The following CATSPERD variants were observed in gnomAD, a reference collection of about 807,000 sequenced individuals.
CATSPERD encodes the protein catsper channel auxiliary subunit delta.
Under a neutral mutation model 98.1 loss-of-function variants are expected in CATSPERD, and 86 were observed. That is an observed-to-expected ratio of 0.88 (90% CI 0.74 to 1.05). The LOEUF is 1.05. Among genes scored for constraint, CATSPERD ranks in the 50% least tolerant of loss-of-function variants. The pLI is 0.00. For missense variants in CATSPERD, 995 were observed against 1,005.7 expected (o/e 0.99, Z 0.14); for synonymous variants, 394 against 390.2 (o/e 1.01, Z -0.12).
rs1398655167 is a variant in CATSPERD, at chr19:5,778,732, G to A, written c.*56G>A. 1 of 1,515,286 alleles carries A rather than the reference G, an allele frequency of 6.6e-7. No individual in the cohort carries two copies. The highest frequency in any genetic ancestry group is 8.9e-7 in the Non-Finnish European group (1 of 1,125,292). The allele number at this position is 1,515,286 out of a possible 1,614,324, so 93.9% of individuals were successfully genotyped here. A position where few individuals can be genotyped will look rare whatever the true frequency, so the allele number is the denominator to read the frequency against. ...TTCAAATAAAGTATAATGTAACATA[G>A]CAGGAAGCAGTATGTATTCACCATT... On this transcript the variant is annotated 3_prime_UTR_variant, in exon 22 of 22. Transcript: ENST00000381624.
chr19:5,762,081 T>TTTTTTTTTTTA (rs2056451833), intron 15 of CATSPERD, among the ~76,000 whole-genome samples: 2 of 113,742 alleles, frequency 1.8e-5, no homozygotes, highest in Non-Finnish European at 3.8e-5. Flanking sequence ...TTTTTTTTTT[T>TTTTTTTTTTTA]GAGACACAGT....
At chr19:5,720,858 G>A in intron 1 of CATSPERD, 50 bp downstream of exon 1, 2 of 1,510,576 alleles carry the variant, frequency 1.3e-6, no homozygotes, top group South Asian at 1.2e-5. Context: ...GGGTCGGGAG[G>A]GTGCTGGTTC....
intron 7 of CATSPERD, among the ~76,000 whole-genome samples, chr19:5,742,736 G>A (rs554617550): frequency 6.6e-6 from 1 of 152,108 alleles, no homozygotes; most frequent in Non-Finnish European, 1.5e-5. Flanking sequence ...CTACAGTGGG[G>A]TGTGATCGTG....
At chr19:5,746,457 C>A (rs1186957926) in intron 9 of CATSPERD, among the ~76,000 whole-genome samples, 2 of 151,654 alleles carry the variant, frequency 1.3e-5, no homozygotes, top group African/African-American at 4.8e-5. Context: ...GAGACGGAGT[C>A]TCACTCTGTC....
chr19:5,727,068 G>A (rs543369816), intron 2 of CATSPERD, among the ~76,000 whole-genome samples, 200 bp from the exon 3 acceptor site: 10 of 152,204 alleles, frequency 6.6e-5, no homozygotes, highest in African/African-American at 2.4e-4. Context: ...GGTGGCGGGC[G>A]CCTGTAGTCC....
At chr19:5,746,195 A>C (rs1002156943) in intron 9 of CATSPERD, 132 bp downstream of exon 9, 48 of 932,362 alleles carry the variant, frequency 5.1e-5, no homozygotes, top group Middle Eastern at 7.0e-4. Flanking sequence ...CCATGTTCAG[A>C]GTGGACCACA....
Position 5,731,560 on chromosome 19 carries a change from GTTTTTTTTT to G in CATSPERD, c.276+1634_276+1642del, listed in dbSNP as rs67541709. On this transcript the variant is annotated intron_variant, in intron 4 of 21. Transcript: ENST00000381624. ...TTTCTCCTAAAAGCGACACTTAACAGTTTTTTTTTTTTTTTTTTTTTTTTTTGAGACGGA... is the reference window on the plus strand; with the variant it reads ...TTTCTCCTAAAAGCGACACTTAACAGTTTTTTTTTTTTTTTTTGAGACGGA... Among the ~76,000 whole-genome samples the G allele has an allele frequency of 1.0e-3, 78 of 75,736 alleles. 1 individual carries two copies. Among genetic ancestry groups the G allele is most frequent in the South Asian group, 4.3e-3 (7 of 1,622 alleles). The allele number at this position is 75,736 out of a possible 152,430, so 49.7% of individuals were successfully genotyped here. A position where few individuals can be genotyped will look rare whatever the true frequency, so the allele number is the denominator to read the frequency against.
intron 12 of CATSPERD, among the ~76,000 whole-genome samples, 177 bp from the exon 13 acceptor site, chr19:5,753,955 G>A (rs1248535263): frequency 6.6e-6 from 1 of 152,088 alleles, no homozygotes; most frequent in African/African-American, 2.4e-5. Flanking sequence ...GGGAGGGGCT[G>A]GCATTGTGCC....
Position 5,720,668 on chromosome 19 carries a change from A to C in CATSPERD, c.-70A>C, listed in dbSNP as rs1436799672. 1 of 1,465,776 alleles carries C rather than the reference A, an allele frequency of 6.8e-7. No individual in the cohort carries two copies. The highest frequency in any genetic ancestry group is 9.4e-7 in the Non-Finnish European group (1 of 1,066,910). 90.8% of individuals were successfully genotyped at this position (1,465,776 alleles called of 1,614,324 possible). ...GCGCATGCGCAGGGCTTCAGCCTGC[A>C]CGTACTCGGATTGTGCAGCGACTCC... is the stretch of plus-strand genomic sequence containing the variant. On this transcript the variant is annotated 5_prime_UTR_variant, in exon 1 of 22. Coordinates refer to ENST00000381624, the MANE Select transcript of CATSPERD (RefSeq NM_152784.4).
At chr19:5,758,946 AG>A in intron 14 of CATSPERD, 139 bp from the exon 15 acceptor site, 15 of 585,628 alleles carry the variant, frequency 2.6e-5, no homozygotes, top group South Asian at 1.3e-4. Context: ...AAAAAAAAAA[AG>A]GAACAGAGTG....
intron 1 of CATSPERD, among the ~76,000 whole-genome samples, chr19:5,723,499 C>G (rs1369555613): frequency 7.4e-6 from 1 of 134,800 alleles, no homozygotes; most frequent in Non-Finnish European, 1.5e-5. Context: ...GAGTCTCGCT[C>G]TGTTGCCCAG....
intron 17 of CATSPERD, among the ~76,000 whole-genome samples, chr19:5,767,634 C>A (rs964104852): frequency 3.3e-5 from 5 of 151,196 alleles, no homozygotes; most frequent in African/African-American, 1.2e-4. Flanking sequence ...CTACAGGCGC[C>A]CGCCACCATG....
At chr19:5,743,444 A>C (rs2056028837) in intron 7 of CATSPERD, among the ~76,000 whole-genome samples, 1 of 151,580 alleles carries the variant, frequency 6.6e-6, no homozygotes, top group Non-Finnish European at 1.5e-5. Context: ...CTAAAAAAAC[A>C]GAAATTAGCC....
chr19:5,761,350 C>T (rs2056429316), intron 15 of CATSPERD, among the ~76,000 whole-genome samples: 1 of 147,942 alleles, frequency 6.8e-6, no homozygotes, highest in Non-Finnish European at 1.5e-5. Flanking sequence ...GGTCCGTCCG[C>T]GTCAGCCTCC....
chr19:5,754,153 T>C lies in CATSPERD; in HGVS notation c.1186T>C (p.Phe396Leu), dbSNP rs2056279116. 3.1e-6 allele frequency: 5 copies of C among 1,611,478 alleles called. No individual in the cohort carries two copies. Among genetic ancestry groups the C allele is most frequent in the Admixed American group, 1.7e-5 (1 of 59,936 alleles). The change falls in exon 13 of 22, where the codon TTT (phenylalanine) becomes CTT (leucine). Residue 396 changes from phenylalanine (F) to leucine (L), a missense_variant. By Grantham distance (22) the Phe-to-Leu change is conservative (BLOSUM62 0). Coordinates refer to ENST00000381624, the MANE Select transcript of CATSPERD (RefSeq NM_152784.4). The part of the protein sequence containing the change: ...KCKIEFLTGE[F>L]IYRMYTIDMH... ...CTAGATAGAGTTTCTGACAGGAGAA[T>C]TTATATACAGGATGTATACCATTGA...
At chr19:5,723,386 G>T (rs2055537831) in intron 1 of CATSPERD, among the ~76,000 whole-genome samples, 1 of 149,934 alleles carries the variant, frequency 6.7e-6, no homozygotes. Context: ...CAAGGTTCAA[G>T]CGATTCTAGT....
intron 3 of CATSPERD, among the ~76,000 whole-genome samples, chr19:5,728,768 G>A (rs1015896858): frequency 2.0e-5 from 3 of 149,952 alleles, no homozygotes; most frequent in Admixed American, 6.7e-5. Context: ...GCGCAATCTC[G>A]GCTCACTGCA....
intron 18 of CATSPERD, among the ~76,000 whole-genome samples, chr19:5,768,894 G>A (rs533687537): frequency 1.3e-5 from 2 of 152,114 alleles, no homozygotes; most frequent in Admixed American, 6.6e-5. Flanking sequence ...GGCCGGGCCC[G>A]GTGGCTCACG....
intron 13 of CATSPERD, among the ~76,000 whole-genome samples, chr19:5,757,028 T>C (rs1359690988): frequency 1.3e-5 from 2 of 152,004 alleles, no homozygotes; most frequent in African/African-American, 4.8e-5. Context: ...CACAGGCATA[T>C]CATATGAAGT....
Sources: gnomAD v4.1 joint callset for allele counts (sites outside exome capture counted in the v4.1 genomes callset) on GRCh38, gnomAD v4.1.1 for gene constraint, MANE v1.5 for transcripts, NCBI Gene and HGNC (gene_info 2026-07-23, HGNC 2026-07-21) for gene names.